UACA: variants seen among roughly 807,000 people sequenced by gnomAD.
UACA encodes nuclear membrane binding protein.
UACA carries 112 observed loss-of-function variants against 160.5 expected under a neutral mutation model. The ratio of observed to expected loss-of-function variants is 0.70; its 90% confidence interval spans 0.60 to 0.82. UACA has a LOEUF of 0.82. UACA is among the 40% of genes least tolerant of loss of function. The pLI is 0.00. For missense variants in UACA, 1,574 were observed against 1,614.6 expected (o/e 0.97, Z 0.43); for synonymous variants, 557 against 568.4 (o/e 0.98, Z 0.29).
intron 1 of UACA, among the ~76,000 whole-genome samples, chr15:70,748,335 G>A (rs929902295): frequency 2.0e-5 from 3 of 152,136 alleles, no homozygotes; most frequent in Admixed American, 6.6e-5. Context: ...CACTATGCAC[G>A]TGACCCTCCT....
the UACA span, among the ~76,000 whole-genome samples, chr15:70,775,065 G>GA: frequency 0.028 from 4,261 of 151,154 alleles, 200 homozygotes; most frequent in African/African-American, 0.096. Flanking sequence ...TCTCAAAAAA[G>GA]AAAAAAAAGA....
intron 1 of UACA, among the ~76,000 whole-genome samples, chr15:70,735,761 G>A (rs551920170): frequency 1.4e-4 from 21 of 152,082 alleles, no homozygotes; most frequent in Admixed American, 6.6e-4. Flanking sequence ...CTGCAGCCTC[G>A]ACCTCCCAGG....
At chr15:70,721,582 A>G (rs1300183385) in intron 1 of UACA, among the ~76,000 whole-genome samples, 4 of 151,598 alleles carry the variant, frequency 2.6e-5, no homozygotes, top group African/African-American at 9.7e-5. Context: ...AGCCGAGATC[A>G]CGCCACTGCA....
the UACA span, among the ~76,000 whole-genome samples, chr15:70,769,215 G>A: frequency 3.3e-5 from 5 of 151,618 alleles, no homozygotes; most frequent in East Asian, 1.9e-4. Context: ...AAAATTAGCC[G>A]GGCGTGATAG....
intron 13 of UACA, among the ~76,000 whole-genome samples, chr15:70,675,219 C>T (rs78678763): frequency 0.011 from 1,671 of 152,120 alleles, 26 homozygotes; most frequent in African/African-American, 0.039. Context: ...TTTTGAGGTA[C>T]GACAAGAATG....
Position 70,667,443 on chromosome 15 carries a change from C to T in UACA, c.3241G>A (p.Glu1081Lys). The change falls in exon 16 of 19, where the codon GAA (glutamate) becomes AAA (lysine). Residue 1081 changes from glutamate (E) to lysine (K), a missense_variant. Glu to Lys is a moderately conservative substitution (Grantham distance 56). Coordinates refer to ENST00000322954, the MANE Select transcript of UACA (RefSeq NM_018003.4). ...QLKDLSQKYTEVKNVKEKLVE... is the reference protein window; with the variant it reads ...QLKDLSQKYTKVKNVKEKLVE... ...AGCTTCTCTTTCACATTCTTTACTTCCGTGTATTTCTGTGACAAGTCTTTT... is the reference window on the plus strand; with the variant it reads ...AGCTTCTCTTTCACATTCTTTACTTTCGTGTATTTCTGTGACAAGTCTTTT... 6.2e-7 allele frequency: 1 copy of T among 1,609,854 alleles called. No homozygotes were observed.
rs1433989560 is a variant in UACA, at chr15:70,737,869, A to G, written c.78+25461T>C. ...TTAAAGTAGAAGTGGAGCATCAGCC[A>G]CAGTACTTACACAGACACCAAACCA... On this transcript the variant is annotated intron_variant, in intron 1 of 18. Coordinates refer to ENST00000322954, the MANE Select transcript of UACA (RefSeq NM_018003.4). Among the ~76,000 whole-genome samples the G allele has an allele frequency of 3.9e-5, 6 of 152,338 alleles. No homozygotes were observed. The East Asian group carries it at 7.7e-4, about 20-fold the overall frequency.
intron 1 of UACA, among the ~76,000 whole-genome samples, chr15:70,739,570 A>G (rs1395149018): frequency 6.6e-6 from 1 of 152,188 alleles, no homozygotes; most frequent in African/African-American, 2.4e-5. Flanking sequence ...CTAAAGTGCA[A>G]ACTTTATTTA....
In UACA at chr15:70,655,920, T is replaced by TA. The variant is rs1441522771; in HGVS notation, c.*1135dup. ...AGTAATTTTCACTCTGAATGGTAAA[T>TA]AAAATGTTAATAAAAAATAACAAGA... is the stretch of plus-strand genomic sequence containing the variant. On this transcript the variant is annotated 3_prime_UTR_variant, in exon 19 of 19. Coordinates refer to ENST00000322954, the MANE Select transcript of UACA (RefSeq NM_018003.4). 6.6e-6 allele frequency: 1 copy of TA among 152,166 alleles called. No individual in the cohort carries two copies. The highest frequency in any genetic ancestry group is 1.5e-5 in the Non-Finnish European group (1 of 68,016). The allele number at this position is 152,166 out of a possible 1,614,324, so 9.4% of individuals were successfully genotyped here. A position where few individuals can be genotyped will look rare whatever the true frequency, so the allele number is the denominator to read the frequency against.
chr15:70,766,290 G>A (rs902839649), upstream of UACA, among the ~76,000 whole-genome samples: 1 of 152,128 alleles, frequency 6.6e-6, no homozygotes, highest in Non-Finnish European at 1.5e-5. Flanking sequence ...ACTATTATTA[G>A]CATTCAACCA....
rs1896930738 is a variant in UACA at position 70,666,928 on chromosome 15, T to G, written c.3756A>C (p.Arg1252Ser). 6.2e-7 allele frequency: 1 copy of G among 1,612,666 alleles called. No individual in the cohort carries two copies. The highest frequency in any genetic ancestry group is 1.3e-5 in the African/African-American group (1 of 74,810). The change falls in exon 16 of 19, where the codon AGA becomes AGC. Residue 1252 changes from arginine (R) to serine (S), a missense_variant. By Grantham distance (110) the Arg-to-Ser change is moderately radical. Transcript: ENST00000322954. The part of the protein sequence containing the change: ...SLNEKLANLN[R>S]KYEEVCEEVL... Reference sequence around the variant, plus strand: ...CTTCCTCACATACTTCCTCATACTTTCTATTCAGATTGGCCAATTTTTCAT... The same window carrying G: ...CTTCCTCACATACTTCCTCATACTTGCTATTCAGATTGGCCAATTTTTCAT...
chr15:70,776,137 A>T, the UACA span, among the ~76,000 whole-genome samples: 1 of 152,222 alleles, frequency 6.6e-6, no homozygotes, highest in East Asian at 1.9e-4. Context: ...CCTCCAACAA[A>T]AAAACTAATC....
rs916827234 is a variant in UACA, at chr15:70,669,034, T to C, written c.1650A>G (p.Lys550=). The part of the protein sequence containing the change: ...EELKDQLKDL[K]VKYEGASAEV... ...CTGCTGAAGCACCTTCATATTTTAC[T>C]TTCAAGTCTTTCAACTGATCCTTCA... The change falls in exon 16 of 19, where the codon AAA becomes AAG. Residue 550 remains lysine (K), a synonymous_variant. Coordinates refer to ENST00000322954, the MANE Select transcript of UACA (RefSeq NM_018003.4). 6.2e-6 allele frequency: 10 copies of C among 1,614,050 alleles called. No homozygotes were observed. The highest frequency in any genetic ancestry group is 8.5e-6 in the Non-Finnish European group (10 of 1,180,006).
At chr15:70,756,252 C>T (rs568292780) in intron 1 of UACA, among the ~76,000 whole-genome samples, 6 of 151,920 alleles carry the variant, frequency 3.9e-5, no homozygotes, top group Non-Finnish European at 7.4e-5. Flanking sequence ...CTGCAACCTC[C>T]GCCTCCCAGG....
At chr15:70,741,068 A>G (rs1899520294) in intron 1 of UACA, among the ~76,000 whole-genome samples, 1 of 151,976 alleles carries the variant, frequency 6.6e-6, no homozygotes, top group African/African-American at 2.4e-5. Flanking sequence ...AAAAATAAAA[A>G]GGGGGGGCTG....
chr15:70,666,846 A>C lies in UACA; in HGVS notation c.3838T>G (p.Phe1280Val), dbSNP rs1896925830. Reference protein sequence around the residue: ...SAKDEKELLHFSIEQEIKDQK... With the variant: ...SAKDEKELLHVSIEQEIKDQK... ...TCCTTAATTTCTTGCTCAATGCTGA[A>C]ATGCAGTAATTCCTTCTCATCTTTT... The change falls in exon 16 of 19, where the codon TTC becomes GTC. Residue 1280 changes from phenylalanine to valine, a missense_variant. Phe to Val is a conservative substitution (Grantham distance 50). Coordinates refer to ENST00000322954, the MANE Select transcript of UACA (RefSeq NM_018003.4). The C allele has an allele frequency of 1.2e-6, 2 of 1,613,854 alleles. No homozygotes were observed. The highest frequency in any genetic ancestry group is 1.1e-5 in the South Asian group (1 of 91,068).
chr15:70,726,650 G>A (rs970529469), intron 1 of UACA, among the ~76,000 whole-genome samples: 3 of 152,094 alleles, frequency 2.0e-5, no homozygotes, highest in African/African-American at 4.8e-5. Flanking sequence ...GGGAATAGCC[G>A]AAAAATTAAC....
intron 1 of UACA, among the ~76,000 whole-genome samples, chr15:70,729,307 G>C (rs1379505042): frequency 6.6e-6 from 1 of 152,096 alleles, no homozygotes; most frequent in Non-Finnish European, 1.5e-5. Flanking sequence ...AGAGTGGACT[G>C]GAAAAAGAAA....
chr15:70,711,140 A>AT (rs1018228996), intron 1 of UACA, among the ~76,000 whole-genome samples: 120 of 152,338 alleles, frequency 7.9e-4, no homozygotes, highest in African/African-American at 2.8e-3. Context: ...CAGGGATCAA[A>AT]TACATCTTTC....
Sources: allele counts gnomAD v4.1 joint callset (sites outside exome capture counted in the v4.1 genomes callset), GRCh38; gene constraint gnomAD v4.1.1; transcripts MANE v1.5; gene names NCBI Gene and HGNC (gene_info 2026-07-23, HGNC 2026-07-21).